PAPPA2: variants seen among roughly 807,000 people sequenced by gnomAD.
PAPPA2 encodes the protein pappalysin 2, also known as pappalysin-2.
PAPPA2 carries 86 observed loss-of-function variants against 176.4 expected under a neutral mutation model. That is an observed-to-expected ratio of 0.49 (90% CI 0.41 to 0.58). The LOEUF is 0.58. PAPPA2 is among the 20% of genes least tolerant of loss of function. The pLI is 0.00. For missense variants in PAPPA2, 2,073 were observed against 2,256.9 expected (o/e 0.92, Z 1.65); for synonymous variants, 809 against 852.2 (o/e 0.95, Z 0.88).
chr1:176,780,785 A>C (rs1664673954), intron 17 of PAPPA2, among the ~76,000 whole-genome samples: 1 of 152,170 alleles, frequency 6.6e-6, no homozygotes, highest in South Asian at 2.1e-4. Flanking sequence ...TGGACAAGTA[A>C]TTGAATGGTT....
intron 17 of PAPPA2, among the ~76,000 whole-genome samples, chr1:176,781,768 A>T (rs1236062496): frequency 1.3e-5 from 2 of 152,188 alleles, no homozygotes; most frequent in Non-Finnish European, 2.9e-5. Context: ...TTGTTGAGTC[A>T]GTCTGAAGTG....
At chr1:176,673,453 C>A (rs901918602) in intron 4 of PAPPA2, among the ~76,000 whole-genome samples, 1 of 152,064 alleles carries the variant, frequency 6.6e-6, no homozygotes, top group South Asian at 2.1e-4. Flanking sequence ...CAAGAATAAC[C>A]TTTCTGGTGT....
At chr1:176,576,705 T>G (rs1397821512) in intron 2 of PAPPA2, among the ~76,000 whole-genome samples, 1 of 152,226 alleles carries the variant, frequency 6.6e-6, no homozygotes, top group African/African-American at 2.4e-5. Flanking sequence ...TTTCTCCTGA[T>G]AGTCTATTGG....
At chr1:176,726,826 G>T (rs1267917987) in intron 12 of PAPPA2, among the ~76,000 whole-genome samples, 1 of 152,190 alleles carries the variant, frequency 6.6e-6, no homozygotes. Context: ...ATCACCATCT[G>T]TGAGCGAGAA....
intron 3 of PAPPA2, among the ~76,000 whole-genome samples, chr1:176,625,253 G>A (rs1573150197): frequency 6.6e-6 from 1 of 152,144 alleles, no homozygotes; most frequent in African/African-American, 2.4e-5. Flanking sequence ...AGCTGAAGAG[G>A]GAGAGAAGAC....
At chr1:176,682,878 A>G (rs1659652790) in intron 4 of PAPPA2, among the ~76,000 whole-genome samples, 1 of 152,122 alleles carries the variant, frequency 6.6e-6, no homozygotes, top group Non-Finnish European at 1.5e-5. Flanking sequence ...CACTGGAAGT[A>G]ATTACATAGG....
intron 2 of PAPPA2, among the ~76,000 whole-genome samples, chr1:176,567,930 T>C (rs1652083802): frequency 1.3e-5 from 2 of 152,144 alleles, no homozygotes; most frequent in African/African-American, 4.8e-5. Flanking sequence ...CTAAAGTAGG[T>C]GCATTGGATT....
chr1:176,656,043 T>C (rs913378498), intron 3 of PAPPA2, among the ~76,000 whole-genome samples: 3 of 151,856 alleles, frequency 2.0e-5, no homozygotes, highest in African/African-American at 7.2e-5. Context: ...ATTTTCAGAA[T>C]ATTTTTTTTT....
At chr1:176,479,919 G>T (rs1454600468) in intron 1 of PAPPA2, among the ~76,000 whole-genome samples, 1 of 152,198 alleles carries the variant, frequency 6.6e-6, no homozygotes, top group East Asian at 1.9e-4. Context: ...AGTTAGAAAA[G>T]AATTATATTC....
chr1:176,735,277 G>T (rs1436410568), intron 12 of PAPPA2, among the ~76,000 whole-genome samples: 1 of 152,128 alleles, frequency 6.6e-6, no homozygotes, highest in Admixed American at 6.6e-5. Context: ...TTTTCTTCTG[G>T]TCTAAGGTCT....
chr1:176,784,326 A>G (rs1368969728), intron 17 of PAPPA2, among the ~76,000 whole-genome samples: 4 of 152,200 alleles, frequency 2.6e-5, no homozygotes, highest in Non-Finnish European at 4.4e-5. Context: ...ATCATTGTGA[A>G]TAAAACCAGT....
chr1:176,471,424 A>C (rs553157318), intron 1 of PAPPA2, among the ~76,000 whole-genome samples: 2 of 152,172 alleles, frequency 1.3e-5, no homozygotes, highest in Non-Finnish European at 2.9e-5. Context: ...AAGCCTTTTT[A>C]AAAAAATTAT....
chr1:176,504,532 A>G (rs1178778211), intron 1 of PAPPA2, among the ~76,000 whole-genome samples: 2 of 152,116 alleles, frequency 1.3e-5, no homozygotes, highest in African/African-American at 4.8e-5. Flanking sequence ...TGTGGTAGTC[A>G]TTTAAGCACA....
intron 12 of PAPPA2, among the ~76,000 whole-genome samples, chr1:176,712,666 C>T (rs1309841623): frequency 6.6e-6 from 1 of 152,152 alleles, no homozygotes. Context: ...CATTTCTGTA[C>T]ATTTTTGTGG....
chr1:176,474,187 C>T (rs1189320527), intron 1 of PAPPA2, among the ~76,000 whole-genome samples: 1 of 152,104 alleles, frequency 6.6e-6, no homozygotes, highest in Non-Finnish European at 1.5e-5. Context: ...GTGTCAATTC[C>T]CAGTGACTTA....
At chr1:176,529,224 GA>G (rs1354822730) in intron 1 of PAPPA2, among the ~76,000 whole-genome samples, 1 of 151,902 alleles carries the variant, frequency 6.6e-6, no homozygotes, top group Non-Finnish European at 1.5e-5. Flanking sequence ...AATCAGGTGG[GA>G]AAAAAAGAGA....
chr1:176,827,685 C>T (rs780133291), intron 21 of PAPPA2, among the ~76,000 whole-genome samples: 2 of 152,120 alleles, frequency 1.3e-5, no homozygotes, highest in Non-Finnish European at 2.9e-5. Flanking sequence ...AGCACTCATG[C>T]CACAATGACT....
In PAPPA2 at chr1:176,842,712, G is replaced by T; in HGVS notation, c.*258G>T. On this transcript the variant is annotated 3_prime_UTR_variant, in exon 23 of 23. Coordinates refer to ENST00000367662, the MANE Select transcript of PAPPA2 (RefSeq NM_020318.3). ...TTAACATGGAAGGGGAAATATGATA[G>T]ATATATAAGGACCCTCCTCCCTCAC... 6.4e-6 allele frequency: 3 copies of T among 468,904 alleles called. No homozygotes were observed. Among genetic ancestry groups the T allele is most frequent in the Non-Finnish European group, 1.2e-5 (3 of 258,960 alleles). The allele number at this position is 468,904 out of a possible 1,614,324, so 29.0% of individuals were successfully genotyped here.
chr1:176,833,176 CTG>C (rs1273214510), intron 21 of PAPPA2, among the ~76,000 whole-genome samples: 19 of 152,358 alleles, frequency 1.2e-4, no homozygotes, highest in Non-Finnish European at 1.2e-4. Context: ...AGGAGATACT[CTG>C]TACAACTTCA....
Sources: gnomAD v4.1 joint callset for allele counts (sites outside exome capture counted in the v4.1 genomes callset) on GRCh38, gnomAD v4.1.1 for gene constraint, MANE v1.5 for transcripts, NCBI Gene and HGNC (gene_info 2026-07-23, HGNC 2026-07-21) for gene names.